Variants in PDE9A observed in about 807,000 individuals in gnomAD.
The protein encoded by PDE9A is phosphodiesterase 9A, also known as high affinity cGMP-specific 3',5'-cyclic phosphodiesterase 9A.
In PDE9A, 60 loss-of-function variants were observed where a neutral mutation model predicts 87.4. The ratio of observed to expected loss-of-function variants is 0.69; its 90% CI spans 0.56 to 0.85. PDE9A has a LOEUF of 0.85. Among genes scored for constraint, PDE9A ranks in the 40% least tolerant of loss-of-function variants. The probability of loss-of-function intolerance (pLI) is 0.00; values close to 1 mark genes in which losing one functional copy is unlikely to be tolerated. For missense variants in PDE9A, 665 were observed against 779.0 expected, an observed-to-expected ratio of 0.85 and a Z score of 1.74; for synonymous variants, 272 against 279.4, an observed-to-expected ratio of 0.97 and a Z score of 0.27.
intron 8 of PDE9A, among the ~76,000 whole-genome samples, chr21:42,744,502 G>C (rs928307970): frequency 2.0e-5 from 3 of 152,224 alleles, no homozygotes; most frequent in Non-Finnish European, 4.4e-5. Context: ...ACAAGAAGAG[G>C]AAAAGCATTA....
At chr21:42,720,997 C>T (rs2050463942) in intron 4 of PDE9A, among the ~76,000 whole-genome samples, 1 of 151,658 alleles carries the variant, frequency 6.6e-6, no homozygotes, top group Admixed American at 6.6e-5. Context: ...AAGAGCGAAA[C>T]TCCGTCTCAA....
chr21:42,683,210 C>T lies in PDE9A; in HGVS notation c.70-2982C>T, dbSNP rs138319203. On this transcript the variant is annotated intron_variant, in intron 1 of 19. Transcript: ENST00000291539. The stretch of plus-strand genomic sequence containing the variant: ...CTGCAGCCTCATGAAGCCAGCTGTT[C>T]CTCAACTGAAAAGAGCCCTGGAAGC... Among the ~76,000 whole-genome samples the T allele has an allele frequency of 2.2e-3, 335 of 152,244 alleles. 1 individual carries two copies. The highest frequency in any genetic ancestry group is 7.5e-3 in the African/African-American group (312 of 41,542).
intron 10 of PDE9A, chr21:42,758,012 T>G (rs1738293516): frequency 6.6e-6 from 1 of 152,376 alleles, no homozygotes; most frequent in African/African-American, 2.4e-5. Flanking sequence ...CACGCCGGGC[T>G]CCAGCAGGGA....
intron 7 of PDE9A, chr21:42,741,696 G>GGAAACGCCTC (rs144000650): frequency 0.38 from 57,927 of 151,448 alleles, 12,546 homozygotes; most frequent in African/African-American, 0.6. Context: ...CCCTGACCCT[G>GGAAACGCCTC]GAAACGCCTC....
chr21:42,661,388 C>A (rs1569096857), intron 1 of PDE9A, among the ~76,000 whole-genome samples: 1 of 151,364 alleles, frequency 6.6e-6, no homozygotes, highest in Non-Finnish European at 1.5e-5. Flanking sequence ...CCCTCCCTCC[C>A]CATCCCCCTC....
intron 1 of PDE9A, among the ~76,000 whole-genome samples, chr21:42,679,539 A>G (rs889605636): frequency 1.3e-5 from 2 of 152,086 alleles, no homozygotes; most frequent in Non-Finnish European, 2.9e-5. Flanking sequence ...AGACCTGCTC[A>G]TGGAGCTGCT....
At chr21:42,762,434 T>C (rs886229769) in intron 14 of PDE9A, among the ~76,000 whole-genome samples, 195 bp downstream of exon 14, 64 of 152,344 alleles carry the variant, frequency 4.2e-4, no homozygotes, top group African/African-American at 1.3e-3. Flanking sequence ...ACCCTCGCCA[T>C]GCGCACGTGC....
At chr21:42,683,129 C>T (rs2059259224) in intron 1 of PDE9A, among the ~76,000 whole-genome samples, 2 of 152,228 alleles carry the variant, frequency 1.3e-5, no homozygotes, top group East Asian at 1.9e-4. Flanking sequence ...AAAAGTAAAG[C>T]GTTCCTCACT....
intron 7 of PDE9A, among the ~76,000 whole-genome samples, chr21:42,736,829 C>T (rs1042843096): frequency 1.3e-5 from 2 of 152,232 alleles, no homozygotes; most frequent in Non-Finnish European, 2.9e-5. Context: ...CTGAACTCCA[C>T]CTGGCTTTGG....
chr21:42,728,269 G>A (rs1413600843), intron 4 of PDE9A, among the ~76,000 whole-genome samples: 1 of 152,110 alleles, frequency 6.6e-6, no homozygotes, highest in African/African-American at 2.4e-5. Context: ...GCATCCTTGT[G>A]GGGAGTCCTG....
At chr21:42,654,368 G>C (rs969494328) in intron 1 of PDE9A, among the ~76,000 whole-genome samples, 1 of 152,114 alleles carries the variant, frequency 6.6e-6, no homozygotes, top group Non-Finnish European at 1.5e-5. Flanking sequence ...CCGGGGCCCC[G>C]CGGAGAGCCT....
intron 4 of PDE9A, among the ~76,000 whole-genome samples, chr21:42,716,747 CTT>C (rs60104683): frequency 4.2e-5 from 4 of 94,256 alleles, no homozygotes; most frequent in Admixed American, 2.6e-4. Flanking sequence ...TTATAATTTC[CTT>C]TTTTTTTTTT....
intron 3 of PDE9A, among the ~76,000 whole-genome samples, chr21:42,690,797 A>G (rs1369533868): frequency 6.6e-6 from 1 of 151,942 alleles, no homozygotes; most frequent in Non-Finnish European, 1.5e-5. Flanking sequence ...CAACTTCTCC[A>G]ACTTACCCCT....
chr21:42,718,339 C>T (rs1263579439), intron 4 of PDE9A, among the ~76,000 whole-genome samples: 4 of 151,740 alleles, frequency 2.6e-5, no homozygotes, highest in Non-Finnish European at 5.9e-5. Context: ...ATGAATTTAC[C>T]TTTTCAGCAA....
chr21:42,700,820 C>A (rs185611478), intron 4 of PDE9A: 2 of 152,194 alleles, frequency 1.3e-5, no homozygotes, highest in African/African-American at 2.4e-5. Flanking sequence ...CAGATCCTGT[C>A]GTGTGAATTT....
intron 4 of PDE9A, among the ~76,000 whole-genome samples, chr21:42,720,178 C>T (rs995802937): frequency 1.3e-5 from 2 of 152,152 alleles, no homozygotes; most frequent in African/African-American, 2.4e-5. Context: ...TTCGGTTATT[C>T]GTACCCACAC....
At chr21:42,713,318 G>A (rs2049517528) in intron 4 of PDE9A, among the ~76,000 whole-genome samples, 1 of 152,128 alleles carries the variant, frequency 6.6e-6, no homozygotes, top group East Asian at 1.9e-4. Context: ...ATTTTTAGTA[G>A]AGACAGGGTT....
intron 15 of PDE9A, among the ~76,000 whole-genome samples, chr21:42,765,910 C>T (rs1435664822): frequency 1.3e-5 from 2 of 152,224 alleles, no homozygotes; most frequent in Admixed American, 1.3e-4. Context: ...AGGCCCACAC[C>T]ATAGCCCAGC....
intron 14 of PDE9A, among the ~76,000 whole-genome samples, chr21:42,764,019 C>T (rs1186383506): frequency 6.6e-6 from 1 of 152,226 alleles, no homozygotes; most frequent in African/African-American, 2.4e-5. Flanking sequence ...GTGGGCAGAA[C>T]CAGGCTGTGG....
Sources: allele counts gnomAD v4.1 joint callset (sites outside exome capture counted in the v4.1 genomes callset), GRCh38; gene constraint gnomAD v4.1.1; transcripts MANE v1.5; gene names NCBI Gene and HGNC (gene_info 2026-07-23, HGNC 2026-07-21).